Variants in PKN2 observed in about 807,000 individuals in gnomAD.
PKN2 encodes protein kinase N2, also known as serine/threonine-protein kinase N2.
In PKN2, 38 loss-of-function variants were observed where a neutral mutation model predicts 119.1. That is an observed-to-expected ratio of 0.32 (90% confidence interval 0.25 to 0.42). The LOEUF (loss-of-function observed/expected upper bound fraction) is 0.42, where lower values mean the gene tolerates loss of function less well. PKN2 is among the 10% of genes least tolerant of loss of function. The pLI is 1.00. For missense variants in PKN2, 850 were observed against 1,165.1 expected, an observed-to-expected ratio of 0.73 and a Z score of 3.94; for synonymous variants, 390 against 384.9, an observed-to-expected ratio of 1.01 and a Z score of -0.15.
At chr1:88,753,102 T>C (rs1669064447) in intron 2 of PKN2, among the ~76,000 whole-genome samples, 1 of 152,206 alleles carries the variant, frequency 6.6e-6, no homozygotes, top group Non-Finnish European at 1.5e-5. Flanking sequence ...TCTCAGACAA[T>C]TCGAACTCCT....
intron 1 of PKN2, among the ~76,000 whole-genome samples, chr1:88,729,391 T>C (rs1188147325): frequency 1.3e-5 from 2 of 152,154 alleles, no homozygotes; most frequent in African/African-American, 2.4e-5. Context: ...GTATACTAGG[T>C]GTTTCTTTTC....
chr1:88,730,800 T>A (rs1052348668), intron 1 of PKN2, among the ~76,000 whole-genome samples: 8 of 152,260 alleles, frequency 5.3e-5, no homozygotes, highest in African/African-American at 1.9e-4. Flanking sequence ...ATGGCCGTTA[T>A]GAGACTTAAA....
intron 1 of PKN2, among the ~76,000 whole-genome samples, chr1:88,732,238 C>A (rs996515681): frequency 1.3e-5 from 2 of 151,924 alleles, no homozygotes; most frequent in Admixed American, 6.6e-5. Flanking sequence ...TAAATAATGT[C>A]TTTTCCTTAT....
At chr1:88,824,506 A>G (rs1672420060) in intron 18 of PKN2, 120 bp downstream of exon 18, 3 of 625,436 alleles carry the variant, frequency 4.8e-6, no homozygotes, top group Non-Finnish European at 8.6e-6. Context: ...CTTCATTAAG[A>G]CATTGTAGAT....
intron 17 of PKN2, among the ~76,000 whole-genome samples, chr1:88,822,842 G>A (rs891873853): frequency 2.0e-5 from 3 of 152,120 alleles, no homozygotes; most frequent in Non-Finnish European, 4.4e-5. Flanking sequence ...GCCTCCCAAA[G>A]TGCTGGGATT....
chr1:88,769,363 T>A (rs1018127492), intron 3 of PKN2, among the ~76,000 whole-genome samples: 2 of 152,324 alleles, frequency 1.3e-5, no homozygotes, highest in Non-Finnish European at 1.5e-5. Flanking sequence ...GGAACACAAT[T>A]GCTATCTGTG....
intron 1 of PKN2, among the ~76,000 whole-genome samples, chr1:88,699,694 T>A (rs541102976): frequency 6.6e-6 from 1 of 152,206 alleles, no homozygotes; most frequent in African/African-American, 2.4e-5. Context: ...TTTTTGTTCT[T>A]GCTTTAGTTT....
rs766955935 is a variant in PKN2, at chr1:88,828,481, G to C, written c.2420G>C (p.Gly807Ala). 2.5e-6 allele frequency: 4 copies of C among 1,588,516 alleles called. No homozygotes were observed. The highest frequency in any genetic ancestry group is 1.7e-6 in the Non-Finnish European group (2 of 1,162,478). ...AATGTTTACATTTTATCTTTTCCAG[G>C]AATGGGATATGGAGATAGAACAAGC... ...KIADFGLCKE[G>A]MGYGDRTSTF... The change falls in exon 19 of 22, where the codon GGA becomes GCA. Residue 807 changes from glycine (G) to alanine (A), a missense_variant and splice_region_variant. By Grantham distance (60) the Gly-to-Ala change is moderately conservative. Around this residue, in one of 9 missense-constraint regions of PKN2, gnomAD observed 55 missense variants for 85.9 expected, o/e 0.64. Coordinates refer to ENST00000370521, the MANE Select transcript of PKN2 (RefSeq NM_006256.4).
rs532270821 is a variant in PKN2, at chr1:88,740,785, G to A, written c.49-203G>A. On this transcript the variant is annotated intron_variant, in intron 1 of 21. Transcript: ENST00000370521. ...ATTTGTCAAGTAATGCTACTTAGTAGCCAGTGAGTTCTTGAATTTATGATT... is the reference window on the plus strand; with the variant it reads ...ATTTGTCAAGTAATGCTACTTAGTAACCAGTGAGTTCTTGAATTTATGATT... Among the ~76,000 whole-genome samples the A allele has an allele frequency of 3.3e-5, 5 of 152,158 alleles. No individual in the cohort carries two copies. In the South Asian group the frequency reaches 8.3e-4, roughly 25 times the overall value.
chr1:88,771,330 T>G, intron 4 of PKN2, 91 bp from the exon 5 acceptor site: 1 of 872,636 alleles, frequency 1.1e-6, no homozygotes, highest in East Asian at 2.5e-5. Context: ...TATTGTAATG[T>G]TATAGGAATT....
At chr1:88,761,767 C>CT (rs1427381493) in intron 3 of PKN2, among the ~76,000 whole-genome samples, 1 of 151,806 alleles carries the variant, frequency 6.6e-6, no homozygotes, top group Admixed American at 6.6e-5. Context: ...GTATTTGTTC[C>CT]TATTTACTTA....
chr1:88,750,583 TG>T (rs1668947578), intron 2 of PKN2, among the ~76,000 whole-genome samples: 2 of 152,198 alleles, frequency 1.3e-5, no homozygotes, highest in African/African-American at 2.4e-5. Flanking sequence ...CCAGCTAGGC[TG>T]TGTTTTCTGG....
At chr1:88,755,005 G>A (rs542715810) in intron 2 of PKN2, among the ~76,000 whole-genome samples, 7 of 152,216 alleles carry the variant, frequency 4.6e-5, no homozygotes, top group Non-Finnish European at 1.0e-4. Context: ...ATGGAAATTT[G>A]TTTTTTGTTG....
chr1:88,800,001 T>G (rs1477087295), intron 8 of PKN2, among the ~76,000 whole-genome samples: 3 of 152,240 alleles, frequency 2.0e-5, no homozygotes, highest in Non-Finnish European at 4.4e-5. Flanking sequence ...CTCTTGAATT[T>G]TCCAGGTATT....
chr1:88,742,871 G>C (rs1319792047), intron 2 of PKN2, among the ~76,000 whole-genome samples: 1 of 152,038 alleles, frequency 6.6e-6, no homozygotes, highest in East Asian at 1.9e-4. Context: ...GAGCCCATTT[G>C]GTTTCCCCAT....
intron 1 of PKN2, among the ~76,000 whole-genome samples, chr1:88,696,707 C>G (rs920585033): frequency 1.3e-5 from 2 of 152,116 alleles, no homozygotes; most frequent in Non-Finnish European, 2.9e-5. Context: ...CAAGAAACCT[C>G]TTGTGAGGTT....
chr1:88,692,683 A>T (rs1314552351), intron 1 of PKN2, among the ~76,000 whole-genome samples: 1 of 151,952 alleles, frequency 6.6e-6, no homozygotes, highest in African/African-American at 2.4e-5. Flanking sequence ...ATTCCTATTT[A>T]TGTCTCTTGC....
chr1:88,736,099 A>G (rs1025370658), intron 1 of PKN2, among the ~76,000 whole-genome samples: 2 of 152,032 alleles, frequency 1.3e-5, no homozygotes, highest in African/African-American at 2.4e-5. Context: ...TTTGTATCTG[A>G]TAGATTCTGC....
intron 2 of PKN2, 60 bp from the exon 3 acceptor site, chr1:88,760,162 C>A: frequency 4.4e-6 from 4 of 917,090 alleles, no homozygotes; most frequent in Non-Finnish European, 5.0e-6. Context: ...AAAATATTAA[C>A]TTCCAATTTT....
Sources: allele counts gnomAD v4.1 joint callset (sites outside exome capture counted in the v4.1 genomes callset), GRCh38; gene constraint gnomAD v4.1.1; regional missense constraint gnomAD v4.1.1; transcripts MANE v1.5; gene names NCBI Gene and HGNC (gene_info 2026-07-23, HGNC 2026-07-21).